Variants in RORA observed in about 807,000 individuals in gnomAD.
The protein encoded by RORA is nuclear receptor ROR-alpha.
Under a neutral mutation model 69.5 loss-of-function variants are expected in RORA, and 7 were observed. The observed-to-expected ratio is 0.10, with a 90% confidence interval of 0.06 to 0.19. The LOEUF (loss-of-function observed/expected upper bound fraction) is 0.19, where lower values mean the gene tolerates loss of function less well. RORA is among the 10% of genes least tolerant of loss of function. The pLI is 1.00. For missense variants in RORA, 457 were observed against 663.0 expected, an observed-to-expected ratio of 0.69 and a Z score of 3.41; for synonymous variants, 261 against 240.8, an observed-to-expected ratio of 1.08 and a Z score of -0.78.
At chr15:60,759,461 G>A (rs1251865183) in intron 1 of RORA, among the ~76,000 whole-genome samples, 1 of 152,102 alleles carries the variant, frequency 6.6e-6, no homozygotes, top group Non-Finnish European at 1.5e-5. Flanking sequence ...CATCAAACGG[G>A]GGGCAACTTT....
chr15:60,849,808 G>A (rs1202939497), intron 1 of RORA, among the ~76,000 whole-genome samples: 2 of 152,190 alleles, frequency 1.3e-5, no homozygotes, highest in Non-Finnish European at 2.9e-5. Context: ...TGGGATTTCA[G>A]TTGGGCCCAT....
chr15:60,540,572 C>G (rs1567071363), intron 2 of RORA, among the ~76,000 whole-genome samples: 1 of 66,756 alleles, frequency 1.5e-5, no homozygotes, highest in South Asian at 1.2e-3. Flanking sequence ...TGACCCCCCC[C>G]CCCCAAAACT....
At chr15:61,027,785 T>C (rs999479428) in intron 1 of RORA, among the ~76,000 whole-genome samples, 2 of 152,210 alleles carry the variant, frequency 1.3e-5, no homozygotes, top group African/African-American at 4.8e-5. Context: ...AGAAAAACTA[T>C]GGGATAAAGG....
At chr15:61,022,594 T>G (rs934426935) in intron 1 of RORA, among the ~76,000 whole-genome samples, 3 of 152,176 alleles carry the variant, frequency 2.0e-5, no homozygotes, top group African/African-American at 7.2e-5. Flanking sequence ...TGGGGTCATA[T>G]TCAGAGCCCC....
chr15:61,086,537 C>G (rs1291942134), intron 1 of RORA, among the ~76,000 whole-genome samples: 1 of 152,042 alleles, frequency 6.6e-6, no homozygotes, highest in Non-Finnish European at 1.5e-5. Context: ...GAACTAAAAT[C>G]AAATAAATAT....
At chr15:61,185,004 AG>A (rs1382417836) in intron 1 of RORA, among the ~76,000 whole-genome samples, 15 of 147,518 alleles carry the variant, frequency 1.0e-4, no homozygotes, top group Admixed American at 5.4e-4. Context: ...AAAAAAAAAA[AG>A]AAGAAGAAGA....
chr15:60,608,506 G>C (rs1380081490), intron 2 of RORA, among the ~76,000 whole-genome samples: 2 of 152,138 alleles, frequency 1.3e-5, no homozygotes, highest in Admixed American at 6.5e-5. Context: ...GCTGGGACTT[G>C]AACGGGGGTT....
At chr15:60,606,939 A>G (rs1321892813) in intron 2 of RORA, among the ~76,000 whole-genome samples, 2 of 152,214 alleles carry the variant, frequency 1.3e-5, no homozygotes, top group Non-Finnish European at 2.9e-5. Context: ...AAGTTTGTAT[A>G]TGTGCTTTAA....
At chr15:60,727,284 A>T (rs2071372758) in intron 1 of RORA, among the ~76,000 whole-genome samples, 3 of 152,248 alleles carry the variant, frequency 2.0e-5, no homozygotes, top group South Asian at 2.1e-4. Context: ...GCTCGTTTTT[A>T]ACCTTTAATA....
At chr15:60,870,070 C>T (rs1365498735) in intron 1 of RORA, among the ~76,000 whole-genome samples, 3 of 152,180 alleles carry the variant, frequency 2.0e-5, no homozygotes, top group Non-Finnish European at 4.4e-5. Flanking sequence ...TATAAGAATT[C>T]AATCAGACAT....
chr15:60,972,041 T>G (rs1893733446), intron 1 of RORA, among the ~76,000 whole-genome samples: 1 of 152,206 alleles, frequency 6.6e-6, no homozygotes, highest in South Asian at 2.1e-4. Context: ...ACACAGCCAC[T>G]CTGCCTTCAT....
intron 2 of RORA, among the ~76,000 whole-genome samples, chr15:60,640,171 A>G (rs78780629): frequency 0.017 from 2,604 of 152,308 alleles, 90 homozygotes; most frequent in African/African-American, 0.06. Flanking sequence ...TGTGAGGAGT[A>G]AAGTACATGG....
At chr15:61,196,652 C>G (rs1288460656) in intron 1 of RORA, among the ~76,000 whole-genome samples, 3 of 152,238 alleles carry the variant, frequency 2.0e-5, no homozygotes, top group Admixed American at 2.0e-4. Context: ...TCTCAAACAA[C>G]TGGATTTCAT....
At chr15:60,742,109 A>C (rs2071582522) in intron 1 of RORA, among the ~76,000 whole-genome samples, 1 of 152,168 alleles carries the variant, frequency 6.6e-6, no homozygotes, top group Non-Finnish European at 1.5e-5. Flanking sequence ...ATATCTATCT[A>C]TATGTATAGA....
At chr15:60,891,096 G>A (rs1172395746) in intron 1 of RORA, among the ~76,000 whole-genome samples, 1 of 152,224 alleles carries the variant, frequency 6.6e-6, no homozygotes, top group East Asian at 1.9e-4. Flanking sequence ...GAATTCTGCT[G>A]TTAGAATCAG....
chr15:60,707,727 C>T (rs2140803767), intron 1 of RORA, among the ~76,000 whole-genome samples: 1 of 152,290 alleles, frequency 6.6e-6, no homozygotes, highest in South Asian at 2.1e-4. Context: ...CATAAATCCT[C>T]TTTTAATAAC....
At chr15:61,104,346 G>C (rs528964596) in intron 1 of RORA, among the ~76,000 whole-genome samples, 17 of 152,150 alleles carry the variant, frequency 1.1e-4, no homozygotes, top group Admixed American at 3.3e-4. Context: ...CACAAACTCT[G>C]ACAAGTCTGT....
intron 1 of RORA, among the ~76,000 whole-genome samples, chr15:60,917,566 T>C (rs1482053): frequency 0.99 from 151,163 of 152,324 alleles, 75,019 homozygotes; most frequent in East Asian, 1. Context: ...TGACGAGGCA[T>C]CCACGAGCAG....
Position 61,069,719 on chromosome 15 carries a change from G to GAA in RORA, c.166+159332_166+159333dup, listed in dbSNP as rs5813066. Reference sequence around the variant, plus strand: ...GCTCAAAAAACAGCAATTGCTTGAGGAAAAAAAAAAGGAAAGAAAAAAGAA... The same window carrying GAA: ...GCTCAAAAAACAGCAATTGCTTGAGGAAAAAAAAAAAAGGAAAGAAAAAAGAA... On this transcript the variant is annotated intron_variant, in intron 1 of 10. Transcript: ENST00000335670. 7.4e-3 allele frequency among the ~76,000 whole-genome samples: 1,095 copies of GAA among 147,152 alleles called. 16 individuals are homozygous for GAA. The highest frequency in any genetic ancestry group is 0.026 in the African/African-American group (1,021 of 39,816).
Sources: gnomAD v4.1 joint callset for allele counts (sites outside exome capture counted in the v4.1 genomes callset) on GRCh38, gnomAD v4.1.1 for gene constraint, MANE v1.5 for transcripts, NCBI Gene and HGNC (gene_info 2026-07-23, HGNC 2026-07-21) for gene names.